NOL7: variants seen among roughly 807,000 people sequenced by gnomAD.
NOL7 encodes nucleolar protein 7, also known as U3 small nucleolar RNA-associated protein NOL7.
NOL7 carries 36 observed loss-of-function variants against 38.4 expected under a neutral mutation model. The observed-to-expected ratio is 0.94, with a 90% CI of 0.72 to 1.24. The LOEUF is 1.24. NOL7 is among the 50% of genes most tolerant of loss of function. NOL7 has a pLI of 0.00. For synonymous variants in NOL7, 142 were observed against 126.5 expected (o/e 1.12, Z -0.82); for missense variants, 350 against 315.1 (o/e 1.11, Z -0.84).
At position 13,620,560 on chromosome 6, in the gene NOL7, A is replaced by G. The variant is rs978932436; in HGVS notation, c.700+75A>G. On this transcript the variant is annotated intron_variant, in intron 7 of 7. Coordinates refer to ENST00000451315, the MANE Select transcript of NOL7 (RefSeq NM_016167.5). Reference sequence around the variant, plus strand: ...AATGTTCTTTTGAAGGAGATAGTTCATAATTATACTTTTCCCCCTTATAAT... The same window carrying G: ...AATGTTCTTTTGAAGGAGATAGTTCGTAATTATACTTTTCCCCCTTATAAT... The G allele has an allele frequency of 4.9e-6, 7 of 1,418,020 alleles. No homozygotes were observed. The African/African-American group carries it at 1.0e-4, about 20-fold the overall frequency. 87.8% of individuals were successfully genotyped at this position (1,418,020 alleles called of 1,614,324 possible).
chr6:13,629,888 T>A (rs563967153), intron 8 of NOL7, among the ~76,000 whole-genome samples: 9 of 140,494 alleles, frequency 6.4e-5, no homozygotes, highest in Non-Finnish European at 1.1e-4. Flanking sequence ...CTCTCTCTCA[T>A]GTCTCTGTCT....
Position 13,615,712 on chromosome 6 carries a change from G to GGT in NOL7, c.268_269insTG (p.Asp90ValfsTer6). ...GCTGACTTATCACCCTTCCTCCCAGGGATAAAACGCTCCTGAAGGAGAAGA... is the reference window on the plus strand; with the variant it reads ...GCTGACTTATCACCCTTCCTCCCAGGGTGATAAAACGCTCCTGAAGGAGAAGA... On this transcript the variant is annotated frameshift_variant and splice_region_variant, in exon 2 of 8. Coordinates refer to ENST00000451315, the MANE Select transcript of NOL7 (RefSeq NM_016167.5). LOFTEE classifies it high-confidence loss of function. 1 of 1,614,256 alleles carries GGT rather than the reference G, an allele frequency of 6.2e-7. No individual in the cohort carries two copies. Among genetic ancestry groups the GGT allele is most frequent in the East Asian group, 2.2e-5 (1 of 44,886 alleles).
At position 13,620,229 on chromosome 6, in the gene NOL7, C is replaced by G; in HGVS notation, c.522C>G (p.Ala174=). The G allele has an allele frequency of 6.2e-7, 1 of 1,613,326 alleles. No homozygotes were observed. Among genetic ancestry groups the G allele is most frequent in the African/African-American group, 1.3e-5 (1 of 74,946 alleles). Residue 174 remains alanine, a synonymous_variant, in exon 6 of 8, where the codon GCC becomes GCG. Transcript: ENST00000451315. ...QSVSQNKSYL[A]VRLKDQDLRD... ...ACAGCCAGAATAAAAGCTACTTGGC[C>G]GTAAGGCTAAAAGACCAAGATCTGA...
chr6:13,629,376 T>C (rs1429375375), intron 8 of NOL7, among the ~76,000 whole-genome samples: 1 of 152,204 alleles, frequency 6.6e-6, no homozygotes, highest in Non-Finnish European at 1.5e-5. Flanking sequence ...ACTACAGTTA[T>C]TAGCTAGTTA....
rs1455158913 is a variant in NOL7 at position 13,620,322 on chromosome 6, G to A, written c.615G>A (p.Arg205=). The part of the protein sequence containing the change: ...HNSLYGPGTN[R]TTVNKFLSLA... The stretch of plus-strand genomic sequence containing the variant: ...CATTATATGGGCCAGGAACCAACAG[G>A]ACTACTGGTAATTTTTTTATGGACT... The change falls in exon 6 of 8, where the codon AGG becomes AGA. Residue 205 remains arginine (R), a synonymous_variant. Transcript: ENST00000451315. The A allele has an allele frequency of 1.9e-6, 3 of 1,613,740 alleles. No individual in the cohort carries two copies. Among genetic ancestry groups the A allele is most frequent in the Admixed American group, 3.3e-5 (2 of 59,950 alleles).
At chr6:13,615,824 A>G (rs1459178656) in intron 2 of NOL7, 52 bp downstream of exon 2, 1 of 1,540,940 alleles carries the variant, frequency 6.5e-7, no homozygotes. Context: ...CTCAGGGAGA[A>G]TTCCTATGGT....
In NOL7 at chr6:13,615,616, C is replaced by G. The variant is rs755860757; in HGVS notation, c.258C>G (p.Thr86=). 9.4e-6 allele frequency: 15 copies of G among 1,598,560 alleles called. No homozygotes were observed. In the East Asian group the frequency reaches 2.5e-4, roughly 26 times the overall value. Residue 86 remains threonine (T), a synonymous_variant, in exon 1 of 8, where the codon ACC becomes ACG. Coordinates refer to ENST00000451315, the MANE Select transcript of NOL7 (RefSeq NM_016167.5). The part of the protein sequence containing the change: ...AREEERRVRE[T]VRRDKTLLKE... Reference sequence around the variant, plus strand: ...AAGAGGAGCGGCGAGTGCGGGAGACCGTGCGCAGGTTCGGAGCCCGCTGCC... The same window carrying G: ...AAGAGGAGCGGCGAGTGCGGGAGACGGTGCGCAGGTTCGGAGCCCGCTGCC...
chr6:13,617,760 T>C lies in NOL7; in HGVS notation c.387-10T>C, dbSNP rs775200795. ...CCATTGCAGTCAGTGGTTTTGTTTT[T>C]TTTCCTTAGCATCAAGAAATCGCCA... On this transcript the variant is annotated splice_polypyrimidine_tract_variant and intron_variant, in intron 3 of 7. Coordinates refer to ENST00000451315, the MANE Select transcript of NOL7 (RefSeq NM_016167.5). 5.0e-6 allele frequency: 8 copies of C among 1,613,690 alleles called. No homozygotes were observed. The Admixed American group carries it at 1.2e-4, about 24-fold the overall frequency.
At chr6:13,617,988 T>C (rs1448381183) in intron 4 of NOL7, 70 bp from the exon 5 acceptor site, 1 of 1,011,822 alleles carries the variant, frequency 9.9e-7, no homozygotes, top group Non-Finnish European at 1.6e-6. Context: ...ATGCTTAAAG[T>C]GAACTCCAGT....
chr6:13,632,312 A>G lies in NOL7; in HGVS notation n.574-81A>G, dbSNP rs1420398145. On this transcript the variant is annotated intron_variant and non_coding_transcript_variant, in intron 8 of 8. Transcript: ENST00000474485. ...CTGGTACACTGCTCAGTGTTTCACA[A>G]AACTACATTTTAGTTCCTCTGACAT... 4 of 1,552,556 alleles carry G rather than the reference A, an allele frequency of 2.6e-6. No homozygotes were observed. In the Admixed American group the frequency reaches 5.4e-5, roughly 21 times the overall value.
chr6:13,625,907 G>A, downstream of NOL7: 1 of 552,220 alleles, frequency 1.8e-6, no homozygotes, highest in African/African-American at 1.9e-5. Flanking sequence ...CCAGCACTGG[G>A]ACGCTCTACA....
At chr6:13,617,956 C>T (rs1562290336) in intron 4 of NOL7, 102 bp from the exon 5 acceptor site, 1 of 971,338 alleles carries the variant, frequency 1.0e-6, no homozygotes, top group Admixed American at 2.0e-5. Context: ...ATAAAAACTG[C>T]ATCCACATTG....
chr6:13,620,437 A>G lies in NOL7; in HGVS notation c.652A>G (p.Arg218Gly). Reference protein sequence around the residue: ...VNKFLSLANKRLPVKRAAVQF... With the variant: ...VNKFLSLANKGLPVKRAAVQF... ...TAAGTTCCTGTCTCTTGCCAACAAG[A>G]GGTTACCAGTGAAAAGAGCTGCTGT... Residue 218 changes from arginine (R) to glycine (G), a missense_variant, in exon 7 of 8, where the codon AGG (arginine) becomes GGG (glycine). Physicochemically the swap from Arg to Gly is moderately radical, Grantham distance 125 (BLOSUM62 -2). Coordinates refer to ENST00000451315, the MANE Select transcript of NOL7 (RefSeq NM_016167.5). 6.2e-7 allele frequency: 1 copy of G among 1,614,148 alleles called. No homozygotes were observed. The highest frequency in any genetic ancestry group is 8.5e-7 in the Non-Finnish European group (1 of 1,180,008).
At chr6:13,618,888 C>T (rs1332106941) in intron 5 of NOL7, among the ~76,000 whole-genome samples, 2 of 151,584 alleles carry the variant, frequency 1.3e-5, no homozygotes, top group Admixed American at 1.3e-4. Flanking sequence ...GAGACCCTGT[C>T]TCAAAAAAAA....
rs199636122 is a variant in NOL7 at position 13,618,125 on chromosome 6, A to G, written c.486A>G (p.Lys162=). 3.8e-6 allele frequency: 6 copies of G among 1,587,418 alleles called. No homozygotes were observed. The highest frequency in any genetic ancestry group is 5.2e-6 in the Non-Finnish European group (6 of 1,157,278). ...ACTCCAAGAAAGTTAAAGTACAAAA[A>G]GTACAGTCTGTCAGGTAATGAGTCT... ...GNDSKKVKVQ[K]VQSVSQNKSY... is the part of the protein sequence containing the mutation. The change falls in exon 5 of 8, where the codon AAA becomes AAG. Residue 162 remains lysine (K), a synonymous_variant. Transcript: ENST00000451315.
At chr6:13,631,050 C>T (rs546475585) in intron 8 of NOL7, among the ~76,000 whole-genome samples, 3 of 152,180 alleles carry the variant, frequency 2.0e-5, no homozygotes, top group South Asian at 4.2e-4. Context: ...ACTCATGATC[C>T]GCCCGCCTCA....
chr6:13,619,023 A>G (rs1288543390), intron 5 of NOL7, among the ~76,000 whole-genome samples: 4 of 152,150 alleles, frequency 2.6e-5, no homozygotes, highest in East Asian at 1.9e-4. Context: ...ACCTCTCCCA[A>G]TAGATAGATG....
At chr6:13,620,382 A>T in intron 6 of NOL7, 26 bp from the exon 7 acceptor site, 1 of 1,613,912 alleles carries the variant, frequency 6.2e-7, no homozygotes, top group South Asian at 1.1e-5. Context: ...TAAAACTGTG[A>T]AATGATAAAT....
intron 5 of NOL7, among the ~76,000 whole-genome samples, chr6:13,619,821 GTTTCA>G (rs1764390306): frequency 1.3e-5 from 2 of 152,144 alleles, no homozygotes; most frequent in South Asian, 2.1e-4. Context: ...TATAAAATTA[GTTTCA>G]TTTATCACTA....
Sources: allele counts gnomAD v4.1 joint callset (sites outside exome capture counted in the v4.1 genomes callset), GRCh38; gene constraint gnomAD v4.1.1; transcripts MANE v1.5; gene names NCBI Gene and HGNC (gene_info 2026-07-23, HGNC 2026-07-21).